NAALADL2: variants seen among roughly 807,000 people sequenced by gnomAD.
NAALADL2 encodes the protein inactive N-acetylated-alpha-linked acidic dipeptidase-like protein 2.
NAALADL2 carries 76 observed loss-of-function variants against 87.2 expected under a neutral mutation model. That is an observed-to-expected ratio of 0.87 (90% CI 0.72 to 1.05). The LOEUF is 1.05. Among genes scored for constraint, NAALADL2 ranks in the 50% least tolerant of loss-of-function variants. The pLI is 0.00. For missense variants in NAALADL2, 1,089 were observed against 945.8 expected, an observed-to-expected ratio of 1.15 and a Z score of -1.99; for synonymous variants, 354 against 331.0, an observed-to-expected ratio of 1.07 and a Z score of -0.75.
At chr3:175,671,868 A>G (rs749621517) in intron 11 of NAALADL2, among the ~76,000 whole-genome samples, 2 of 152,112 alleles carry the variant, frequency 1.3e-5, no homozygotes, top group Admixed American at 1.3e-4. Flanking sequence ...CATTGAAACT[A>G]TCAATGATTG....
At chr3:174,716,851 T>C (rs1161183807) in intron 2 of NAALADL2, among the ~76,000 whole-genome samples, 1 of 152,152 alleles carries the variant, frequency 6.6e-6, no homozygotes, top group Non-Finnish European at 1.5e-5. Flanking sequence ...ATAATCAATA[T>C]GTTATTGAAA....
intron 2 of NAALADL2, among the ~76,000 whole-genome samples, chr3:174,667,470 A>G (rs1431828310): frequency 1.3e-5 from 2 of 151,308 alleles, no homozygotes; most frequent in African/African-American, 4.8e-5. Flanking sequence ...TGCCTTATCT[A>G]CCACGCAGTT....
At chr3:175,053,949 G>C (rs1347693437) in intron 1 of NAALADL2, among the ~76,000 whole-genome samples, 2 of 152,240 alleles carry the variant, frequency 1.3e-5, no homozygotes, top group African/African-American at 4.8e-5. Flanking sequence ...CCTGGAAGAG[G>C]TGTATGAGCC....
At chr3:175,687,196 A>C (rs2149901664) in intron 11 of NAALADL2, among the ~76,000 whole-genome samples, 1 of 152,318 alleles carries the variant, frequency 6.6e-6, no homozygotes, top group South Asian at 2.1e-4. Flanking sequence ...TTTATAAATA[A>C]ATCAGGTAAT....
At chr3:175,667,747 T>G (rs990582480) in intron 11 of NAALADL2, among the ~76,000 whole-genome samples, 8 of 150,444 alleles carry the variant, frequency 5.3e-5, no homozygotes, top group African/African-American at 4.9e-5. Flanking sequence ...TTTGCTGTTT[T>G]TTTTTTTTTT....
intron 11 of NAALADL2, among the ~76,000 whole-genome samples, chr3:175,697,181 C>T (rs1389409533): frequency 6.6e-6 from 1 of 151,996 alleles, no homozygotes; most frequent in African/African-American, 2.4e-5. Context: ...GAAATTTAAA[C>T]TGGTCTCTAG....
intron 5 of NAALADL2, among the ~76,000 whole-genome samples, chr3:175,444,824 G>C (rs1720430554): frequency 6.6e-6 from 1 of 152,082 alleles, no homozygotes. Context: ...TAACAAAATG[G>C]ATTCTAAGCT....
upstream of NAALADL2, among the ~76,000 whole-genome samples, chr3:174,856,809 G>T (rs1725905462): frequency 7.6e-6 from 1 of 131,956 alleles, no homozygotes; most frequent in Admixed American, 7.6e-5. Flanking sequence ...AGAGAAATCT[G>T]TGCTAGTTTA....
chr3:175,451,815 T>C (rs534853470), intron 6 of NAALADL2, among the ~76,000 whole-genome samples: 1 of 152,208 alleles, frequency 6.6e-6, no homozygotes, highest in Admixed American at 6.5e-5. Context: ...ATTATTTCCT[T>C]ATTTACAATT....
chr3:175,382,222 CA>C (rs1767869907), intron 5 of NAALADL2, among the ~76,000 whole-genome samples: 1 of 152,028 alleles, frequency 6.6e-6, no homozygotes, highest in African/African-American at 2.4e-5. Flanking sequence ...TGAAGTCAAA[CA>C]TGAAGAAATT....
chr3:175,047,070 T>C (rs1754771903), intron 1 of NAALADL2, among the ~76,000 whole-genome samples: 1 of 152,180 alleles, frequency 6.6e-6, no homozygotes, highest in Non-Finnish European at 1.5e-5. Flanking sequence ...ACAGAGTCTC[T>C]TTTATAAGAG....
At chr3:174,545,314 A>C (rs1722626326) in intron 1 of NAALADL2, among the ~76,000 whole-genome samples, 2 of 152,190 alleles carry the variant, frequency 1.3e-5, no homozygotes, top group African/African-American at 4.8e-5. Context: ...TGTCATTTCT[A>C]GGCCAGGTAA....
intron 1 of NAALADL2, among the ~76,000 whole-genome samples, chr3:174,501,994 G>A (rs1203664505): frequency 6.6e-6 from 1 of 151,786 alleles, no homozygotes; most frequent in Admixed American, 6.6e-5. Flanking sequence ...TTGAATTAAA[G>A]GTTGCATAGG....
At chr3:174,825,394 G>A (rs548134618) in intron 3 of NAALADL2, among the ~76,000 whole-genome samples, 31 of 152,192 alleles carry the variant, frequency 2.0e-4, no homozygotes, top group Non-Finnish European at 3.4e-4. Flanking sequence ...AAGTTAAGAA[G>A]ATGGACCTCT....
chr3:175,196,607 T>C (rs1269980214), intron 2 of NAALADL2, among the ~76,000 whole-genome samples: 1 of 151,968 alleles, frequency 6.6e-6, no homozygotes, highest in African/African-American at 2.4e-5. Flanking sequence ...TGACTTCGCA[T>C]TTTCTCAAAT....
intron 1 of NAALADL2, among the ~76,000 whole-genome samples, chr3:175,005,066 G>A (rs978589350): frequency 6.6e-6 from 1 of 152,136 alleles, no homozygotes; most frequent in African/African-American, 2.4e-5. Context: ...AGTATTGCTT[G>A]AGTGTAATGA....
At chr3:175,615,320 C>G (rs1009622860) in intron 10 of NAALADL2, among the ~76,000 whole-genome samples, 1 of 151,966 alleles carries the variant, frequency 6.6e-6, no homozygotes, top group African/African-American at 2.4e-5. Flanking sequence ...AGCCTCTTTC[C>G]TTAATCTGCA....
intron 3 of NAALADL2, among the ~76,000 whole-genome samples, chr3:174,832,978 T>C (rs1362002081): frequency 6.6e-6 from 1 of 152,196 alleles, no homozygotes; most frequent in Non-Finnish European, 1.5e-5. Context: ...GCTATGACTA[T>C]GTTTCTACAT....
intron 6 of NAALADL2, among the ~76,000 whole-genome samples, chr3:175,448,185 A>T (rs529996372): frequency 6.6e-6 from 1 of 152,386 alleles, no homozygotes; most frequent in African/African-American, 2.4e-5. Context: ...TGTTAGGGAC[A>T]TATGCTTTTC....
Sources: allele counts gnomAD v4.1 joint callset (sites outside exome capture counted in the v4.1 genomes callset), GRCh38; gene constraint gnomAD v4.1.1; transcripts MANE v1.5; gene names NCBI Gene and HGNC (gene_info 2026-07-23, HGNC 2026-07-21).